NEDD4L: variants seen among roughly 807,000 people sequenced by gnomAD.
NEDD4L encodes E3 ubiquitin-protein ligase NEDD4-like.
A neutral mutation model predicts 148.9 loss-of-function variants in NEDD4L; 54 were observed. The observed-to-expected ratio is 0.36, with a 90% CI of 0.29 to 0.45. The LOEUF (loss-of-function observed/expected upper bound fraction) is 0.45, where lower values mean the gene tolerates loss of function less well. Among genes scored for constraint, NEDD4L ranks in the 20% least tolerant of loss-of-function variants. The pLI, the probability that NEDD4L is intolerant of heterozygous loss-of-function variation, is 1.00. For missense variants in NEDD4L, 856 were observed against 1,233.8 expected (o/e 0.69, Z 4.59); for synonymous variants, 433 against 440.7 (o/e 0.98, Z 0.22).
At chr18:58,085,990 A>T (rs2083739610) in intron 1 of NEDD4L, among the ~76,000 whole-genome samples, 1 of 152,066 alleles carries the variant, frequency 6.6e-6, no homozygotes, top group Admixed American at 6.5e-5. Flanking sequence ...TATTATTTTG[A>T]GTTTTACTTT....
intron 24 of NEDD4L, among the ~76,000 whole-genome samples, chr18:58,377,721 C>T (rs961176381): frequency 4.3e-5 from 6 of 140,124 alleles, no homozygotes; most frequent in South Asian, 2.3e-4. Flanking sequence ...AGCAGAGCAA[C>T]GTCTAATTTG....
rs963374603 is a variant in NEDD4L at position 58,397,015 on chromosome 18, T to A, written c.*746T>A. On this transcript the variant is annotated 3_prime_UTR_variant, in exon 31 of 31. Transcript: ENST00000400345. ...GTAACATAGCATGACAAATTTTGTG[T>A]TGACTTGAAAGGAATCACACCATTA... The A allele has an allele frequency of 1.3e-5, 2 of 152,614 alleles. No individual in the cohort carries two copies. Among genetic ancestry groups the A allele is most frequent in the Non-Finnish European group, 2.9e-5 (2 of 68,046 alleles). 9.5% of individuals were successfully genotyped at this position (152,614 alleles called of 1,614,324 possible). A position where few individuals can be genotyped will look rare whatever the true frequency, so the allele number is the denominator to read the frequency against.
At chr18:58,110,592 C>T (rs1465983965) in intron 1 of NEDD4L, among the ~76,000 whole-genome samples, 1 of 152,204 alleles carries the variant, frequency 6.6e-6, no homozygotes, top group Non-Finnish European at 1.5e-5. Flanking sequence ...CTGTGGACCT[C>T]AGTCCCCGAG....
intron 1 of NEDD4L, among the ~76,000 whole-genome samples, chr18:58,155,495 G>T (rs1288210033): frequency 6.6e-6 from 1 of 152,202 alleles, no homozygotes; most frequent in African/African-American, 2.4e-5. Context: ...TATCTTGCTA[G>T]TGAGTCTTTG....
chr18:58,163,417 T>G (rs960787183), intron 1 of NEDD4L, among the ~76,000 whole-genome samples: 1 of 152,180 alleles, frequency 6.6e-6, no homozygotes, highest in African/African-American at 2.4e-5. Context: ...GTTCCAGAGA[T>G]GGGCAGAGCA....
At chr18:58,195,270 C>A (rs1019603766) in intron 2 of NEDD4L, 4 of 477,804 alleles carry the variant, frequency 8.4e-6, no homozygotes, top group African/African-American at 2.0e-5. Context: ...TCATAACTTC[C>A]CTGGTGTTGT....
chr18:58,185,410 A>G (rs76636186), intron 2 of NEDD4L, among the ~76,000 whole-genome samples: 5,048 of 152,290 alleles, frequency 0.033, 262 homozygotes, highest in East Asian at 0.23. Context: ...TGGAGAAGCT[A>G]TGAATGACCA....
chr18:58,338,526 G>A (rs978548289), intron 13 of NEDD4L, among the ~76,000 whole-genome samples: 2 of 152,220 alleles, frequency 1.3e-5, no homozygotes, highest in Admixed American at 1.3e-4. Flanking sequence ...GTTCTCAATA[G>A]AAGAGAGAAT....
intron 2 of NEDD4L, chr18:58,195,426 T>A: frequency 7.7e-7 from 1 of 1,306,666 alleles, no homozygotes; most frequent in Non-Finnish European, 1.0e-6. Flanking sequence ...TGCTCCCGAT[T>A]CGAGAGAGGC....
intron 2 of NEDD4L, among the ~76,000 whole-genome samples, chr18:58,170,059 A>G (rs1299248223): frequency 6.6e-6 from 1 of 152,134 alleles, no homozygotes; most frequent in Non-Finnish European, 1.5e-5. Flanking sequence ...CTCAGGAAGT[A>G]TTTACCAACA....
chr18:58,169,814 C>T (rs536344916), intron 2 of NEDD4L, among the ~76,000 whole-genome samples: 46 of 152,250 alleles, frequency 3.0e-4, no homozygotes, highest in East Asian at 7.7e-4. Flanking sequence ...TCATCTCCTC[C>T]GCCACACAGG....
chr18:58,115,245 C>CTTTTTTTTTTTT (rs60541981), intron 1 of NEDD4L, among the ~76,000 whole-genome samples: 48 of 129,530 alleles, frequency 3.7e-4, no homozygotes, highest in Non-Finnish European at 5.1e-4. Context: ...TTCTTTCTTT[C>CTTTTTTTTTTTT]TTTTTTTTTT....
intron 21 of NEDD4L, 48 bp from the exon 22 acceptor site, chr18:58,367,698 T>C: frequency 1.2e-6 from 2 of 1,609,672 alleles, no homozygotes; most frequent in South Asian, 2.2e-5. Context: ...ATGCAAAATC[T>C]TGCATTTGAA....
chr18:58,298,923 C>G (rs1600869497), intron 5 of NEDD4L, among the ~76,000 whole-genome samples: 1 of 152,228 alleles, frequency 6.6e-6, no homozygotes, highest in Non-Finnish European at 1.5e-5. Context: ...CATGACATGA[C>G]TGAGGATTAC....
At chr18:58,232,898 TTGGACTGCA>T (rs2148167229) in intron 2 of NEDD4L, among the ~76,000 whole-genome samples, 1 of 152,300 alleles carries the variant, frequency 6.6e-6, no homozygotes, top group Admixed American at 6.5e-5. Context: ...GGCGTGTGTT[TTGGACTGCA>T]GGCTGAACGT....
chr18:58,067,542 A>T (rs1251083536), intron 1 of NEDD4L, among the ~76,000 whole-genome samples: 2 of 152,180 alleles, frequency 1.3e-5, no homozygotes, highest in African/African-American at 4.8e-5. Flanking sequence ...CTGCGAGGAC[A>T]CACTTGGGTT....
intron 1 of NEDD4L, among the ~76,000 whole-genome samples, chr18:58,156,395 T>C (rs1045154664): frequency 1.3e-5 from 2 of 152,254 alleles, no homozygotes; most frequent in African/African-American, 4.8e-5. Context: ...AACAATCTGC[T>C]TTTCACTATG....
intron 19 of NEDD4L, among the ~76,000 whole-genome samples, chr18:58,362,506 A>T (rs1317043862): frequency 6.6e-6 from 1 of 152,198 alleles, no homozygotes; most frequent in African/African-American, 2.4e-5. Context: ...CCGAGAGTGC[A>T]GGCCTTCTAA....
intron 2 of NEDD4L, among the ~76,000 whole-genome samples, chr18:58,236,039 A>T (rs2045969257): frequency 6.6e-6 from 1 of 151,582 alleles, no homozygotes; most frequent in African/African-American, 2.4e-5. Context: ...TCTCAAAAAT[A>T]AATAAAAATT....
Sources: allele counts gnomAD v4.1 joint callset (sites outside exome capture counted in the v4.1 genomes callset), GRCh38; gene constraint gnomAD v4.1.1; transcripts MANE v1.5; gene names NCBI Gene and HGNC (gene_info 2026-07-23, HGNC 2026-07-21).